Variants in TMTC2 observed in about 807,000 individuals in gnomAD.
The protein encoded by TMTC2 is protein O-mannosyl-transferase TMTC2.
Under a neutral mutation model 82.4 loss-of-function variants are expected in TMTC2, and 43 were observed. The ratio of observed to expected loss-of-function variants is 0.52; its 90% CI spans 0.41 to 0.67. The LOEUF is 0.67. TMTC2 is among the 30% of genes least tolerant of loss of function. TMTC2 has a pLI of 0.00. For synonymous variants in TMTC2, 408 were observed against 381.9 expected, an observed-to-expected ratio of 1.07 and a Z score of -0.80; for missense variants, 919 against 1,012.4, an observed-to-expected ratio of 0.91 and a Z score of 1.25.
chr12:83,094,306 A>C (rs1883950127), intron 11 of TMTC2, among the ~76,000 whole-genome samples: 1 of 152,222 alleles, frequency 6.6e-6, no homozygotes, highest in Non-Finnish European at 1.5e-5. Flanking sequence ...TAACCAAGCA[A>C]TACCTGCTCT....
chr12:82,908,778 A>G lies in TMTC2; in HGVS notation c.1483+12132A>G, dbSNP rs144134596. 2.1e-3 allele frequency among the ~76,000 whole-genome samples: 318 copies of G among 152,226 alleles called. 1 individual carries two copies. The highest frequency in any genetic ancestry group is 7.5e-3 in the African/African-American group (311 of 41,546). On this transcript the variant is annotated intron_variant, in intron 3 of 11. Coordinates refer to ENST00000321196, the MANE Select transcript of TMTC2 (RefSeq NM_152588.3). ...AATTTACCTGCAAAACTAGCTAGGCATAATGTTTTGGTTATAGATGACTCT... is the reference window on the plus strand; with the variant it reads ...AATTTACCTGCAAAACTAGCTAGGCGTAATGTTTTGGTTATAGATGACTCT...
intron 11 of TMTC2, among the ~76,000 whole-genome samples, chr12:83,068,067 G>A (rs2137482885): frequency 6.6e-6 from 1 of 152,126 alleles, no homozygotes; most frequent in South Asian, 2.1e-4. Flanking sequence ...ATTAAACTGA[G>A]AAACATGGAA....
intron 8 of TMTC2, 76 bp from the exon 9 acceptor site, chr12:83,030,722 T>C (rs1881393522): frequency 1.7e-6 from 2 of 1,150,036 alleles, no homozygotes. Context: ...GACATTTGGC[T>C]ACTTCAGTTA....
chr12:83,035,838 A>C (rs1224045340), intron 9 of TMTC2, among the ~76,000 whole-genome samples: 3 of 152,174 alleles, frequency 2.0e-5, no homozygotes, highest in African/African-American at 7.2e-5. Context: ...ATACATTATA[A>C]ACCTTTAGTG....
intron 11 of TMTC2, among the ~76,000 whole-genome samples, chr12:83,079,383 T>C (rs961970802): frequency 2.0e-5 from 3 of 152,162 alleles, no homozygotes; most frequent in Admixed American, 6.5e-5. Flanking sequence ...AATTTAGTTT[T>C]TGTGAGACAA....
chr12:82,851,485 C>T (rs1329272821), intron 1 of TMTC2, among the ~76,000 whole-genome samples: 1 of 152,154 alleles, frequency 6.6e-6, no homozygotes, highest in Non-Finnish European at 1.5e-5. Context: ...TGCATGTAAT[C>T]ATTTACTCTT....
At chr12:82,832,107 G>A (rs1565770257) in intron 1 of TMTC2, among the ~76,000 whole-genome samples, 1 of 152,120 alleles carries the variant, frequency 6.6e-6, no homozygotes, top group Non-Finnish European at 1.5e-5. Context: ...AGATCTGTAT[G>A]AGCTTCTCAG....
chr12:82,948,008 T>A (rs1796171), intron 4 of TMTC2, among the ~76,000 whole-genome samples: 81 of 152,296 alleles, frequency 5.3e-4, no homozygotes, highest in Middle Eastern at 3.4e-3. Context: ...CTATGACCAC[T>A]GAGTTCAGTG....
intron 1 of TMTC2, among the ~76,000 whole-genome samples, chr12:82,702,453 A>G (rs1873131915): frequency 6.6e-6 from 1 of 152,202 alleles, no homozygotes; most frequent in South Asian, 2.1e-4. Flanking sequence ...TATCTTAATA[A>G]AACAAATTCT....
At chr12:82,884,982 C>T (rs1175173453) in intron 2 of TMTC2, among the ~76,000 whole-genome samples, 6 of 152,144 alleles carry the variant, frequency 3.9e-5, no homozygotes, top group African/African-American at 1.4e-4. Flanking sequence ...CAGCCTCAAC[C>T]TCCCAGACTC....
intron 1 of TMTC2, among the ~76,000 whole-genome samples, chr12:82,695,823 G>A (rs1354395293): frequency 4.6e-5 from 7 of 152,168 alleles, no homozygotes; most frequent in Non-Finnish European, 8.8e-5. Context: ...GAACCATTCC[G>A]AAGAAGGGGT....
At chr12:82,938,540 G>A (rs1254512957) in intron 4 of TMTC2, among the ~76,000 whole-genome samples, 1 of 152,086 alleles carries the variant, frequency 6.6e-6, no homozygotes, top group Non-Finnish European at 1.5e-5. Context: ...AAGCAGGAGT[G>A]CCCAGAAGTG....
intron 1 of TMTC2, among the ~76,000 whole-genome samples, chr12:82,794,949 C>G (rs1199870899): frequency 1.3e-5 from 2 of 151,960 alleles, no homozygotes; most frequent in African/African-American, 4.8e-5. Flanking sequence ...AAAAGGAGGC[C>G]GGGATTCTAA....
intron 4 of TMTC2, among the ~76,000 whole-genome samples, chr12:82,961,379 G>A (rs1438248453): frequency 6.6e-6 from 1 of 151,766 alleles, no homozygotes; most frequent in Non-Finnish European, 1.5e-5. Context: ...TTCCAAAATG[G>A]CACTTGACTC....
intron 8 of TMTC2, among the ~76,000 whole-genome samples, chr12:82,989,024 C>A (rs1472146442): frequency 1.3e-5 from 2 of 151,058 alleles, no homozygotes; most frequent in Non-Finnish European, 2.9e-5. Context: ...AATCAGAAGA[C>A]ATCTTTAAAA....
chr12:83,070,702 G>A (rs1883077987), intron 11 of TMTC2, among the ~76,000 whole-genome samples: 1 of 152,070 alleles, frequency 6.6e-6, no homozygotes, highest in African/African-American at 2.4e-5. Context: ...TTGTCTGATT[G>A]TTATGGCTAG....
At chr12:83,044,851 T>C (rs74960440) in intron 9 of TMTC2, among the ~76,000 whole-genome samples, 7,569 of 152,314 alleles carry the variant, frequency 0.05, 469 homozygotes, top group East Asian at 0.25. Flanking sequence ...ATTTTTATAA[T>C]ATTTTAGTAA....
intron 1 of TMTC2, among the ~76,000 whole-genome samples, chr12:82,798,334 G>A (rs1328880670): frequency 6.6e-6 from 1 of 150,538 alleles, no homozygotes; most frequent in Non-Finnish European, 1.5e-5. Context: ...CACTTTGGGA[G>A]GCCGAGGCCG....
intron 2 of TMTC2, among the ~76,000 whole-genome samples, chr12:82,893,540 C>G (rs1475494858): frequency 6.6e-6 from 1 of 152,030 alleles, no homozygotes; most frequent in East Asian, 1.9e-4. Context: ...GAATTTGGCA[C>G]TATTGTATCT....
Sources: allele counts gnomAD v4.1 joint callset (sites outside exome capture counted in the v4.1 genomes callset), GRCh38; gene constraint gnomAD v4.1.1; transcripts MANE v1.5; gene names NCBI Gene and HGNC (gene_info 2026-07-23, HGNC 2026-07-21).